Variants in BCKDHB observed in about 807,000 individuals in gnomAD.
The protein encoded by BCKDHB is branched chain keto acid dehydrogenase E1 subunit beta.
A neutral mutation model predicts 48.5 loss-of-function variants in BCKDHB; 41 were observed. That is an observed-to-expected ratio of 0.85 (90% CI 0.66 to 1.10). BCKDHB has a LOEUF of 1.10. BCKDHB is among the 50% of genes least tolerant of loss of function. The pLI is 0.00. For synonymous variants in BCKDHB, 201 were observed against 174.8 expected (o/e 1.15, Z -1.18); for missense variants, 496 against 494.2 (o/e 1.00, Z -0.03).
chr6:80,118,377 T>G (rs893014426), intron 1 of BCKDHB, among the ~76,000 whole-genome samples: 17 of 152,202 alleles, frequency 1.1e-4, no homozygotes, highest in Non-Finnish European at 1.9e-4. Flanking sequence ...TAAGAAATAC[T>G]TTATCGATAA....
intron 9 of BCKDHB, among the ~76,000 whole-genome samples, chr6:80,332,928 A>T (rs372737036): frequency 2.4e-4 from 2 of 8,222 alleles, no homozygotes; most frequent in Non-Finnish European, 9.6e-4. Flanking sequence ...ACTAAAAAGA[A>T]AAAAAAAAAA....
At chr6:80,225,489 A>C (rs1268388909) in intron 8 of BCKDHB, among the ~76,000 whole-genome samples, 1 of 152,190 alleles carries the variant, frequency 6.6e-6, no homozygotes, top group African/African-American at 2.4e-5. Context: ...ATGAAATATC[A>C]ACTATAAAAT....
upstream of BCKDHB, chr6:80,106,621 C>A (rs994714955): frequency 2.7e-6 from 4 of 1,502,700 alleles, no homozygotes; most frequent in African/African-American, 5.5e-5. Flanking sequence ...ATGTGGAAGC[C>A]TCCTCGGGTG....
chr6:80,403,924 A>G, the BCKDHB span, among the ~76,000 whole-genome samples: 2 of 151,996 alleles, frequency 1.3e-5, no homozygotes, highest in African/African-American at 4.8e-5. Context: ...TGGGGGATAA[A>G]TGCCACCTGA....
chr6:80,363,724 A>G, the BCKDHB span, among the ~76,000 whole-genome samples: 4 of 152,244 alleles, frequency 2.6e-5, no homozygotes, highest in Non-Finnish European at 4.4e-5. Context: ...AGAATATGCA[A>G]TCCAGTGAAG....
chr6:80,387,677 C>T, the BCKDHB span, among the ~76,000 whole-genome samples: 2 of 152,256 alleles, frequency 1.3e-5, no homozygotes, highest in East Asian at 3.8e-4. Flanking sequence ...CACTCCTGTC[C>T]ATTAGGCCCA....
At chr6:80,230,391 C>G (rs1775876396) in intron 8 of BCKDHB, among the ~76,000 whole-genome samples, 2 of 151,992 alleles carry the variant, frequency 1.3e-5, no homozygotes, top group South Asian at 4.1e-4. Flanking sequence ...AAAATACATG[C>G]CCCAAATAGC....
the BCKDHB span, among the ~76,000 whole-genome samples, chr6:80,397,667 A>T: frequency 6.6e-6 from 1 of 152,170 alleles, no homozygotes; most frequent in African/African-American, 2.4e-5. Context: ...CAGATCACTT[A>T]GGTCAGGAGT....
At chr6:80,123,957 C>T (rs564124243) in intron 1 of BCKDHB, among the ~76,000 whole-genome samples, 81 of 152,146 alleles carry the variant, frequency 5.3e-4, no homozygotes, top group Non-Finnish European at 8.7e-4. Context: ...TTTGCTCTTG[C>T]TTCTCTAGTT....
At chr6:80,325,808 G>A (rs1769005108) in intron 9 of BCKDHB, among the ~76,000 whole-genome samples, 1 of 152,176 alleles carries the variant, frequency 6.6e-6, no homozygotes, top group African/African-American at 2.4e-5. Flanking sequence ...TCAGTCATGA[G>A]AGAAACACCA....
intron 7 of BCKDHB, among the ~76,000 whole-genome samples, chr6:80,202,500 A>G (rs566824839): frequency 3.9e-5 from 6 of 152,068 alleles, no homozygotes; most frequent in South Asian, 2.1e-4. Flanking sequence ...TGTGAGTTCT[A>G]TTCCCACTAA....
At chr6:80,137,932 A>G (rs80077867) in intron 3 of BCKDHB, among the ~76,000 whole-genome samples, 93 of 142,234 alleles carry the variant, frequency 6.5e-4, no homozygotes, top group Admixed American at 8.3e-4. Context: ...ACAAAAAATT[A>G]AAAAAAAAAA....
chr6:80,223,594 T>C (rs899478812), intron 8 of BCKDHB, among the ~76,000 whole-genome samples: 3 of 152,234 alleles, frequency 2.0e-5, no homozygotes, highest in Non-Finnish European at 4.4e-5. Context: ...CCATTAATTC[T>C]GATACTATTT....
chr6:80,162,721 G>T (rs1379891547), intron 3 of BCKDHB, among the ~76,000 whole-genome samples: 1 of 151,856 alleles, frequency 6.6e-6, no homozygotes, highest in South Asian at 2.1e-4. Context: ...CGTGGTCGTG[G>T]GCGCCTGTAA....
At chr6:80,154,287 G>T (rs1771931733) in intron 3 of BCKDHB, among the ~76,000 whole-genome samples, 1 of 152,096 alleles carries the variant, frequency 6.6e-6, no homozygotes, top group Non-Finnish European at 1.5e-5. Context: ...CTTTGTACAT[G>T]GTCAAGTACA....
At chr6:80,248,575 T>C (rs1776707329) in intron 8 of BCKDHB, among the ~76,000 whole-genome samples, 1 of 152,116 alleles carries the variant, frequency 6.6e-6, no homozygotes, top group Admixed American at 6.6e-5. Flanking sequence ...GACTACAGGA[T>C]CAGTGGTGCT....
chr6:80,250,698 A>G (rs1776802779), intron 8 of BCKDHB, among the ~76,000 whole-genome samples: 1 of 152,138 alleles, frequency 6.6e-6, no homozygotes, highest in African/African-American at 2.4e-5. Flanking sequence ...CTTATACAAC[A>G]TAGGGGGAAG....
intron 9 of BCKDHB, among the ~76,000 whole-genome samples, chr6:80,304,724 C>T (rs1046572763): frequency 1.3e-5 from 2 of 152,084 alleles, no homozygotes; most frequent in Admixed American, 1.3e-4. Flanking sequence ...TTTTCCAGAC[C>T]AAGTTGGGTT....
At chr6:80,257,015 A>G (rs1248796520) in intron 8 of BCKDHB, among the ~76,000 whole-genome samples, 1 of 152,216 alleles carries the variant, frequency 6.6e-6, no homozygotes, top group Admixed American at 6.5e-5. Context: ...TACACATACC[A>G]TATCCACATT....
Sources: allele counts gnomAD v4.1 joint callset (sites outside exome capture counted in the v4.1 genomes callset), GRCh38; gene constraint gnomAD v4.1.1; transcripts MANE v1.5; gene names NCBI Gene and HGNC (gene_info 2026-07-23, HGNC 2026-07-21).